ERCC3: variants seen among roughly 807,000 people sequenced by gnomAD.
The protein encoded by ERCC3 is general transcription and DNA repair factor IIH helicase/translocase subunit XPB.
ERCC3 carries 66 observed loss-of-function variants against 94.2 expected under a neutral mutation model. The observed-to-expected ratio is 0.70, with a 90% confidence interval of 0.57 to 0.86. The LOEUF (loss-of-function observed/expected upper bound fraction) is 0.86. Ranked by LOEUF, ERCC3 falls within the 40% of genes least tolerant of loss-of-function variation. ERCC3 has a pLI of 0.00. For missense variants in ERCC3, 829 were observed against 987.1 expected, an observed-to-expected ratio of 0.84 and a Z score of 2.15; for synonymous variants, 349 against 369.1, an observed-to-expected ratio of 0.95 and a Z score of 0.63.
In ERCC3 at chr2:127,277,649, C is replaced by T. The variant is rs535893483; in HGVS notation, c.1730+1524G>A. Among the ~76,000 whole-genome samples the T allele has an allele frequency of 1.2e-4, 18 of 152,130 alleles. No homozygotes were observed. Among genetic ancestry groups the T allele is most frequent in the African/African-American group, 4.1e-4 (17 of 41,478 alleles). On this transcript the variant is annotated intron_variant, in intron 10 of 14. Coordinates refer to ENST00000285398, the MANE Select transcript of ERCC3 (RefSeq NM_000122.2). The surrounding 1 kb of genome is among the most constrained non-coding windows in gnomAD (Gnocchi z 5.1). ...GAGGTTGCAGTGAGCTGAGATAGCG[C>T]CACTGCACTCCAGCCTGGCAACAGA...
Position 127,264,656 on chromosome 2 carries a change from T to C in ERCC3, c.1946-3310A>G, listed in dbSNP as rs1684298650. 6.6e-6 allele frequency among the ~76,000 whole-genome samples: 1 copy of C among 152,226 alleles called. No individual in the cohort carries two copies. Among genetic ancestry groups the C allele is most frequent in the African/African-American group, 2.4e-5 (1 of 41,462 alleles). ...TGGATTTGCTTTGTCCTCATTTTGT[T>C]ACAGATTTTTGCGTCTGTGTTCATC... is the stretch of plus-strand genomic sequence containing the variant. On this transcript the variant is annotated intron_variant, in intron 12 of 14. Coordinates refer to ENST00000285398, the MANE Select transcript of ERCC3 (RefSeq NM_000122.2). The surrounding 1 kb of genome is among the most constrained non-coding windows in gnomAD (Gnocchi z 4.4).
At chr2:127,278,622 T>C (rs6713050) in intron 10 of ERCC3, among the ~76,000 whole-genome samples, 1 of 152,234 alleles carries the variant, frequency 6.6e-6, no homozygotes, top group Non-Finnish European at 1.5e-5. Flanking sequence ...TGTGTCACTG[T>C]AGGAGCAAGC....
intron 8 of ERCC3, among the ~76,000 whole-genome samples, chr2:127,283,573 A>G (rs529555833): frequency 1.3e-5 from 2 of 152,318 alleles, no homozygotes; most frequent in African/African-American, 4.8e-5. Flanking sequence ...ACCTCTTTTC[A>G]TGTATCCAGG....
intron 12 of ERCC3, chr2:127,262,115 G>C (rs1684207405): frequency 6.6e-6 from 1 of 152,416 alleles, no homozygotes; most frequent in Non-Finnish European, 1.5e-5. Context: ...ATAAAATGTG[G>C]TATGTCCATG....
At chr2:127,281,122 T>C (rs1281182915) in intron 8 of ERCC3, 3 of 398,630 alleles carry the variant, frequency 7.5e-6, no homozygotes, top group Non-Finnish European at 4.4e-6. Context: ...TTACTATTAA[T>C]ACCATTAAGC....
chr2:127,288,352 T>C (rs1417984149), intron 7 of ERCC3, among the ~76,000 whole-genome samples: 1 of 152,198 alleles, frequency 6.6e-6, no homozygotes, highest in Non-Finnish European at 1.5e-5. Context: ...TGTGCTCTAA[T>C]TTTTCTTCGC....
At chr2:127,293,422 C>A (rs949147797) in intron 2 of ERCC3, 91 bp downstream of exon 2, 3 of 1,190,178 alleles carry the variant, frequency 2.5e-6, no homozygotes, top group Non-Finnish European at 3.7e-6. Flanking sequence ...GGGGCAGTAT[C>A]CTGAATGTCA....
Position 127,280,679 on chromosome 2 carries a change from T to A in ERCC3, c.1343-48A>T, listed in dbSNP as rs146479210. 3.2e-5 allele frequency: 48 copies of A among 1,483,130 alleles called. 1 individual carries two copies. In the South Asian group the frequency reaches 3.7e-4, roughly 11 times the overall value. The allele number at this position is 1,483,130 out of a possible 1,614,324, so 91.9% of individuals were successfully genotyped here. A position where few individuals can be genotyped will look rare whatever the true frequency, so the allele number is the denominator to read the frequency against. Reference sequence around the variant, plus strand: ...CACACTGTCACTTTTCTTTCTTATTTTTTATTTATTTATTTTAAAATATTT... The same window carrying A: ...CACACTGTCACTTTTCTTTCTTATTATTTATTTATTTATTTTAAAATATTT... On this transcript the variant is annotated intron_variant, in intron 8 of 14. Transcript: ENST00000285398. This position sits in a 1 kb window ranked among gnomAD's most constrained non-coding sequence, Gnocchi z 6.3.
intron 8 of ERCC3, among the ~76,000 whole-genome samples, chr2:127,281,786 C>CACACA (rs1553511902): frequency 6.6e-6 from 1 of 152,020 alleles, no homozygotes; most frequent in African/African-American, 2.4e-5. Context: ...CACACACACA[C>CACACA]AACACAGAAA....
chr2:127,266,898 T>G (rs929294516), intron 12 of ERCC3, among the ~76,000 whole-genome samples: 4 of 152,010 alleles, frequency 2.6e-5, no homozygotes, highest in Non-Finnish European at 4.4e-5. Context: ...TGTATTTTAG[T>G]AGAGACGGGG....
rs1364668642 is a variant in ERCC3, at chr2:127,279,449, T to C, written c.1528-74A>G. 3.4e-6 allele frequency: 4 copies of C among 1,170,596 alleles called. No individual in the cohort carries two copies. The East Asian group carries it at 7.0e-5, about 21-fold the overall frequency. 72.5% of individuals were successfully genotyped at this position (1,170,596 alleles called of 1,614,324 possible). On this transcript the variant is annotated intron_variant, in intron 9 of 14. Transcript: ENST00000285398. The surrounding 1 kb of genome is among the most constrained non-coding windows in gnomAD (Gnocchi z 4.7). Reference sequence around the variant, plus strand: ...ACAATTTAAAACTTTTGAAGACCTTTCTCTAGCAGAATTAGCTTTAAAACA... The same window carrying C: ...ACAATTTAAAACTTTTGAAGACCTTCCTCTAGCAGAATTAGCTTTAAAACA...
chr2:127,287,457 A>G (rs1235237035), intron 7 of ERCC3, among the ~76,000 whole-genome samples: 1 of 152,036 alleles, frequency 6.6e-6, no homozygotes, highest in Non-Finnish European at 1.5e-5. Flanking sequence ...ACATGGTGAA[A>G]CCCTATCTTT....
rs191465474 is a variant in ERCC3, at chr2:127,277,521, C to T, written c.1730+1652G>A. Among the ~76,000 whole-genome samples, 353 of 152,254 alleles carry T rather than the reference C, an allele frequency of 2.3e-3. 1 individual carries two copies. The highest frequency in any genetic ancestry group is 7.7e-3 in the African/African-American group (320 of 41,538). On this transcript the variant is annotated intron_variant, in intron 10 of 14. Transcript: ENST00000285398. The surrounding 1 kb of genome is among the most constrained non-coding windows in gnomAD (Gnocchi z 5.1). Reference sequence around the variant, plus strand: ...CCTGGCCAATATGGTGAAACCCTATCTCTACCAAAAATACAAAAATTATCC... The same window carrying T: ...CCTGGCCAATATGGTGAAACCCTATTTCTACCAAAAATACAAAAATTATCC...
intron 12 of ERCC3, among the ~76,000 whole-genome samples, chr2:127,266,709 ATTTTTTT>A (rs960627621): frequency 0.072 from 6,300 of 87,500 alleles, 120 homozygotes; most frequent in Middle Eastern, 0.16. Context: ...ATGATCAATT[ATTTTTTT>A]TTTTTTTTTT....
chr2:127,286,204 T>G (rs1685061170), intron 8 of ERCC3, among the ~76,000 whole-genome samples: 1 of 152,174 alleles, frequency 6.6e-6, no homozygotes, highest in Non-Finnish European at 1.5e-5. Flanking sequence ...AAATCACTAC[T>G]GAGCCAGTGA....
chr2:127,278,207 C>T (rs985529934), intron 10 of ERCC3, among the ~76,000 whole-genome samples: 3 of 146,426 alleles, frequency 2.0e-5, no homozygotes, highest in Admixed American at 6.9e-5. Flanking sequence ...CACTGCACTA[C>T]AGACTGGGTG....
At chr2:127,286,249 C>A (rs1000226031) in intron 8 of ERCC3, among the ~76,000 whole-genome samples, 2 of 152,182 alleles carry the variant, frequency 1.3e-5, no homozygotes, top group Non-Finnish European at 2.9e-5. Context: ...CTCCTGCCTG[C>A]ATCCCACTTA....
chr2:127,259,223 G>A lies in ERCC3; in HGVS notation c.2217+73C>T. Reference sequence around the variant, plus strand: ...TGGGCCCATCCAGGCAGGACTACATGTCTGTGTCTGTGTCTACAAACGCTG... The same window carrying A: ...TGGGCCCATCCAGGCAGGACTACATATCTGTGTCTGTGTCTACAAACGCTG... On this transcript the variant is annotated intron_variant, in intron 14 of 14. Coordinates refer to ENST00000285398, the MANE Select transcript of ERCC3 (RefSeq NM_000122.2). The surrounding 1 kb of genome is among the most constrained non-coding windows in gnomAD (Gnocchi z 4.9). 3.2e-6 allele frequency: 5 copies of A among 1,555,646 alleles called. No homozygotes were observed. Among genetic ancestry groups the A allele is most frequent in the Admixed American group, 1.7e-5 (1 of 59,766 alleles).
At position 127,257,341 on chromosome 2, in the gene ERCC3, T is replaced by C; in HGVS notation, c.*255A>G. On this transcript the variant is annotated 3_prime_UTR_variant, in exon 15 of 15. Coordinates refer to ENST00000285398, the MANE Select transcript of ERCC3 (RefSeq NM_000122.2). The surrounding 1 kb of genome is among the most constrained non-coding windows in gnomAD (Gnocchi z 5.4). ...TTCAGAACGGTAACATAAATACACCTTAAATATTAACATTTTTTATATACA... is the reference window on the plus strand; with the variant it reads ...TTCAGAACGGTAACATAAATACACCCTAAATATTAACATTTTTTATATACA... 1 of 533,122 alleles carries C rather than the reference T, an allele frequency of 1.9e-6. No individual in the cohort carries two copies. The highest frequency in any genetic ancestry group is 3.5e-6 in the Non-Finnish European group (1 of 286,792). The allele number at this position is 533,122 out of a possible 1,614,324, so 33.0% of individuals were successfully genotyped here.
Sources: allele counts gnomAD v4.1 joint callset (sites outside exome capture counted in the v4.1 genomes callset), GRCh38; gene constraint gnomAD v4.1.1; non-coding constraint Gnocchi (gnomAD v3.1); transcripts MANE v1.5; gene names NCBI Gene and HGNC (gene_info 2026-07-23, HGNC 2026-07-21).